The following PTGFR variants were observed in gnomAD, a reference collection of about 807,000 sequenced individuals.
The protein encoded by PTGFR is prostaglandin F2-alpha receptor.
A neutral mutation model predicts 26.2 loss-of-function variants in PTGFR; 15 were observed. The observed-to-expected ratio is 0.57, with a 90% CI of 0.38 to 0.88. The LOEUF is 0.88. Ranked by LOEUF, PTGFR falls within the 40% of genes least tolerant of loss-of-function variation. The pLI, the probability that PTGFR is intolerant of heterozygous loss-of-function variation, is 0.00. For synonymous variants in PTGFR, 165 were observed against 151.1 expected (o/e 1.09, Z -0.68); for missense variants, 369 against 427.2 (o/e 0.86, Z 1.20).
intron 2 of PTGFR, among the ~76,000 whole-genome samples, chr1:78,510,541 C>T (rs1381007929): frequency 1.3e-5 from 2 of 152,090 alleles, no homozygotes; most frequent in African/African-American, 4.8e-5. Context: ...AGACCCACTC[C>T]CAGGATGAAT....
chr1:78,499,453 G>T (rs867951469), intron 2 of PTGFR, among the ~76,000 whole-genome samples: 15 of 152,206 alleles, frequency 9.9e-5, no homozygotes, highest in African/African-American at 3.6e-4. Flanking sequence ...CCAGTGCCTG[G>T]CATATAGTTG....
At chr1:78,529,062 T>G (rs1650444332) in intron 2 of PTGFR, among the ~76,000 whole-genome samples, 1 of 152,308 alleles carries the variant, frequency 6.6e-6, no homozygotes, top group East Asian at 1.9e-4. Flanking sequence ...ATTAAATAAT[T>G]AATTATTGTA....
At chr1:78,516,964 G>A (rs1185870523) in intron 2 of PTGFR, among the ~76,000 whole-genome samples, 6 of 152,098 alleles carry the variant, frequency 3.9e-5, no homozygotes, top group Non-Finnish European at 7.4e-5. Flanking sequence ...CTCTCACTGA[G>A]CAGCCTGTTT....
At chr1:78,513,029 G>A (rs1437136232) in intron 2 of PTGFR, among the ~76,000 whole-genome samples, 1 of 152,138 alleles carries the variant, frequency 6.6e-6, no homozygotes, top group African/African-American at 2.4e-5. Context: ...ACCTTGAGCT[G>A]AAATAAGCCA....
chr1:78,507,376 C>T (rs558339979), intron 2 of PTGFR, among the ~76,000 whole-genome samples: 1 of 152,274 alleles, frequency 6.6e-6, no homozygotes, highest in East Asian at 1.9e-4. Context: ...GAGTTTATAG[C>T]TGTTGAGTGA....
chr1:78,524,258 T>G (rs1482298724), intron 2 of PTGFR, among the ~76,000 whole-genome samples: 1 of 152,000 alleles, frequency 6.6e-6, no homozygotes, highest in Admixed American at 6.6e-5. Flanking sequence ...TAGGGCTTGA[T>G]GAGTTGGTTG....
At chr1:78,525,961 A>G (rs1650362230) in intron 2 of PTGFR, among the ~76,000 whole-genome samples, 1 of 152,106 alleles carries the variant, frequency 6.6e-6, no homozygotes, top group African/African-American at 2.4e-5. Context: ...TCCAATTGGA[A>G]GTAGTCTTCT....
At chr1:78,529,571 T>C (rs756226151) in intron 2 of PTGFR, among the ~76,000 whole-genome samples, 2 of 152,220 alleles carry the variant, frequency 1.3e-5, no homozygotes, top group Non-Finnish European at 2.9e-5. Flanking sequence ...ATTTTATAGA[T>C]GTGTTTTCTT....
chr1:78,526,115 G>C (rs933926447), intron 2 of PTGFR, among the ~76,000 whole-genome samples: 1 of 151,996 alleles, frequency 6.6e-6, no homozygotes, highest in Non-Finnish European at 1.5e-5. Flanking sequence ...GTGAAAAAAA[G>C]GTCCTGCCCA....
chr1:78,512,577 G>C (rs1649999489), intron 2 of PTGFR, among the ~76,000 whole-genome samples: 1 of 152,068 alleles, frequency 6.6e-6, no homozygotes, highest in African/African-American at 2.4e-5. Flanking sequence ...GAACTCAGAG[G>C]GATAACTCAC....
intron 2 of PTGFR, among the ~76,000 whole-genome samples, chr1:78,497,378 C>G (rs1055896019): frequency 1.3e-5 from 2 of 152,100 alleles, no homozygotes; most frequent in African/African-American, 4.8e-5. Context: ...GAAAGTGAAA[C>G]AGCAATTATA....
At chr1:78,504,709 T>A (rs903474188) in intron 2 of PTGFR, among the ~76,000 whole-genome samples, 1 of 152,230 alleles carries the variant, frequency 6.6e-6, no homozygotes, top group African/African-American at 2.4e-5. Flanking sequence ...ATTTATGTTT[T>A]TAATACATTT....
intron 2 of PTGFR, among the ~76,000 whole-genome samples, chr1:78,512,351 A>G (rs1185750600): frequency 6.6e-6 from 1 of 152,194 alleles, no homozygotes; most frequent in African/African-American, 2.4e-5. Flanking sequence ...GAATTGGCTC[A>G]TGGTTCTGTA....
chr1:78,515,270 A>C (rs1225725777), intron 2 of PTGFR, among the ~76,000 whole-genome samples: 1 of 152,170 alleles, frequency 6.6e-6, no homozygotes, highest in African/African-American at 2.4e-5. Context: ...TCCCTTACTC[A>C]ATGACTGGCC....
At position 78,524,028 on chromosome 1, in the gene PTGFR, C is replaced by G. The variant is rs527483824; in HGVS notation, c.799-12378C>G. Among the ~76,000 whole-genome samples, 5 of 152,218 alleles carry G rather than the reference C, an allele frequency of 3.3e-5. No homozygotes were observed. The South Asian group carries it at 1.0e-3, about 32-fold the overall frequency. On this transcript the variant is annotated intron_variant, in intron 2 of 2. Coordinates refer to ENST00000370757, the MANE Select transcript of PTGFR (RefSeq NM_000959.4). ...TCCTTTGGAACACAAAGGTCTAGTG[C>G]AACTTACATAATACAACAATGTGTG...
Position 78,493,307 on chromosome 1 carries a change from C to T in PTGFR, c.564C>T (p.Tyr188=). 1.9e-6 allele frequency: 3 copies of T among 1,614,196 alleles called. No individual in the cohort carries two copies. The highest frequency in any genetic ancestry group is 2.5e-6 in the Non-Finnish European group (3 of 1,180,042). ...KIQASRTWCF[Y]NTEDIKDWED... ...AGGCGTCGAGGACCTGGTGTTTCTACAACACAGAAGACATCAAAGACTGGG... is the reference window on the plus strand; with the variant it reads ...AGGCGTCGAGGACCTGGTGTTTCTATAACACAGAAGACATCAAAGACTGGG... Residue 188 remains tyrosine (Y), a synonymous_variant, in exon 2 of 3, where the codon TAC becomes TAT. Coordinates refer to ENST00000370757, the MANE Select transcript of PTGFR (RefSeq NM_000959.4).
chr1:78,497,201 A>C (rs951349415), intron 2 of PTGFR, among the ~76,000 whole-genome samples: 4 of 152,184 alleles, frequency 2.6e-5, no homozygotes, highest in African/African-American at 9.6e-5. Flanking sequence ...ATTTGTTTAA[A>C]ATATAATTAC....
intron 2 of PTGFR, chr1:78,532,334 C>A: frequency 6.4e-6 from 1 of 155,990 alleles, no homozygotes; most frequent in Non-Finnish European, 1.3e-5. Context: ...GGCTCCAGAA[C>A]TGGAAGTTTA....
At chr1:78,511,211 G>T (rs1422923002) in intron 2 of PTGFR, among the ~76,000 whole-genome samples, 1 of 152,134 alleles carries the variant, frequency 6.6e-6, no homozygotes, top group African/African-American at 2.4e-5. Context: ...TCTGTATGGG[G>T]GCTCCAACCC....
Sources: gnomAD v4.1 joint callset for allele counts (sites outside exome capture counted in the v4.1 genomes callset) on GRCh38, gnomAD v4.1.1 for gene constraint, MANE v1.5 for transcripts, NCBI Gene and HGNC (gene_info 2026-07-23, HGNC 2026-07-21) for gene names.